Variants in ZNF316 observed in about 807,000 individuals in gnomAD.
ZNF316 encodes the protein zinc finger protein 316.
ZNF316 carries 23 observed loss-of-function variants against 75.6 expected under a neutral mutation model. The ratio of observed to expected loss-of-function variants is 0.30; its 90% CI spans 0.22 to 0.43. ZNF316 has a LOEUF of 0.43. ZNF316 is among the 20% of genes least tolerant of loss of function. The probability of loss-of-function intolerance (pLI) is 1.00; values close to 1 mark genes in which losing one functional copy is unlikely to be tolerated. For synonymous variants in ZNF316, 827 were observed against 666.2 expected, an observed-to-expected ratio of 1.24 and a Z score of -3.72; for missense variants, 1,266 against 1,409.4, an observed-to-expected ratio of 0.90 and a Z score of 1.63.
In ZNF316 at chr7:6,654,576, G is replaced by T; in HGVS notation, c.2980G>T (p.Gly994Trp). 1 of 1,187,284 alleles carries T rather than the reference G, an allele frequency of 8.4e-7. No individual in the cohort carries two copies. Among genetic ancestry groups the T allele is most frequent in the South Asian group, 4.2e-5 (1 of 23,956 alleles). 73.5% of individuals were successfully genotyped at this position (1,187,284 alleles called of 1,614,324 possible). The change falls in exon 9 of 9, where the codon GGG becomes TGG. Residue 994 changes from glycine to tryptophan, a missense_variant. Physicochemically the swap from Gly to Trp is radical, Grantham distance 184. Around this residue, in one of 3 missense-constraint regions of ZNF316, gnomAD observed 111 missense variants for 99.2 expected, o/e 1.12. Coordinates refer to ENST00000382252, the MANE Select transcript of ZNF316 (RefSeq NM_001278559.2). ...FGSEHQAAFA[G>W]PSGAYREGVL ...CTCCGAGCACCAGGCCGCGTTCGCC[G>T]GGCCCTCGGGCGCCTACCGGGAGGG...
chr7:6,644,615 C>T (rs2115310759), intron 8 of ZNF316, 22 bp downstream of exon 8: 4 of 1,202,166 alleles, frequency 3.3e-6, no homozygotes, highest in South Asian at 8.4e-5. Context: ...TGGAATTTTG[C>T]GGTTTGTGCC....
Position 6,652,393 on chromosome 7 carries a change from C to A in ZNF316, c.797C>A (p.Pro266His). Residue 266 changes from proline to histidine, a missense_variant, in exon 9 of 9, where the codon CCC becomes CAC. Coordinates refer to ENST00000382252, the MANE Select transcript of ZNF316 (RefSeq NM_001278559.2). Reference sequence around the variant, plus strand: ...GAGGTGGCCGAGGAGGAGAACGAGCCCCCAGGGCTCTGGTCGGCGGCCTAC... The same window carrying A: ...GAGGTGGCCGAGGAGGAGAACGAGCACCCAGGGCTCTGGTCGGCGGCCTAC... The part of the protein sequence containing the change: ...LAEVAEEENE[P>H]PGLWSAAYGV... 1 of 1,232,388 alleles carries A rather than the reference C, an allele frequency of 8.1e-7. No individual in the cohort carries two copies. The highest frequency in any genetic ancestry group is 1.0e-6 in the Non-Finnish European group (1 of 988,164). The allele number at this position is 1,232,388 out of a possible 1,614,324, so 76.3% of individuals were successfully genotyped here.
rs564020554 is a variant in ZNF316 at position 6,655,975 on chromosome 7, C to T, written c.*1364C>T. On this transcript the variant is annotated 3_prime_UTR_variant, in exon 9 of 9. Coordinates refer to ENST00000382252, the MANE Select transcript of ZNF316 (RefSeq NM_001278559.2). ...GGCCACTGTGAATGGGGCCAGGAAA[C>T]GGATTTTTGGTGCAGCTGCATTCCC... The T allele has an allele frequency of 6.6e-6, 1 of 152,428 alleles. No individual in the cohort carries two copies. Among genetic ancestry groups the T allele is most frequent in the South Asian group, 2.1e-4 (1 of 4,828 alleles). The allele number at this position is 152,428 out of a possible 1,614,324, so 9.4% of individuals were successfully genotyped here.
chr7:6,653,442 C>T lies in ZNF316; in HGVS notation c.1846C>T (p.Leu616=), dbSNP rs2115320572. The T allele has an allele frequency of 1.6e-6, 2 of 1,228,070 alleles. No individual in the cohort carries two copies. The highest frequency in any genetic ancestry group is 4.2e-5 in the Admixed American group (1 of 23,548). The allele number at this position is 1,228,070 out of a possible 1,614,324, so 76.1% of individuals were successfully genotyped here. A position where few individuals can be genotyped will look rare whatever the true frequency, so the allele number is the denominator to read the frequency against. ...GCTGCACCCGGACAGCTTCCCGATCCTGGGCCTACCCGACTTCCGAGAGCG... is the reference window on the plus strand; with the variant it reads ...GCTGCACCCGGACAGCTTCCCGATCTTGGGCCTACCCGACTTCCGAGAGCG... ...SWLHPDSFPI[L]GLPDFRERLP... Residue 616 remains leucine, a synonymous_variant, in exon 9 of 9, where the codon CTG becomes TTG. Coordinates refer to ENST00000382252, the MANE Select transcript of ZNF316 (RefSeq NM_001278559.2).
chr7:6,653,600 CG>C lies in ZNF316; in HGVS notation c.2007del (p.Ala671ProfsTer120). 1 of 1,063,484 alleles carries C rather than the reference CG, an allele frequency of 9.4e-7. No homozygotes were observed. The highest frequency in any genetic ancestry group is 1.1e-6 in the Non-Finnish European group (1 of 879,312). The allele number at this position is 1,063,484 out of a possible 1,614,324, so 65.9% of individuals were successfully genotyped here. A position where few individuals can be genotyped will look rare whatever the true frequency, so the allele number is the denominator to read the frequency against. On this transcript the variant is annotated frameshift_variant, in exon 9 of 9. Coordinates refer to ENST00000382252, the MANE Select transcript of ZNF316 (RefSeq NM_001278559.2). LOFTEE classifies it high-confidence loss of function. ...GCGGCGGAGGCGGCCTGCGCGCGTT[CG>C]GGCCCGCCATCGGGGGTCTGCTGGC... ...AGGGGGLRAF[G>X]PAIGGLLAEP...
chr7:6,652,544 C>A lies in ZNF316; in HGVS notation c.948C>A (p.Phe316Leu). ...VLADGSEAKP[F>L]LPGREPGANL... ...CCGACGGCTCTGAAGCGAAGCCTTT[C>A]CTGCCCGGCCGGGAGCCGGGTGCGA... is the stretch of plus-strand genomic sequence containing the variant. The change falls in exon 9 of 9, where the codon TTC becomes TTA. Residue 316 changes from phenylalanine (F) to leucine (L), a missense_variant. By Grantham distance (22) the Phe-to-Leu change is conservative. Coordinates refer to ENST00000382252, the MANE Select transcript of ZNF316 (RefSeq NM_001278559.2). 1 of 1,231,138 alleles carries A rather than the reference C, an allele frequency of 8.1e-7. No individual in the cohort carries two copies. The highest frequency in any genetic ancestry group is 1.0e-6 in the Non-Finnish European group (1 of 987,496). The allele number at this position is 1,231,138 out of a possible 1,614,324, so 76.3% of individuals were successfully genotyped here.
rs985315327 is a variant in ZNF316, at chr7:6,654,578, G to C, written c.2982G>C (p.Gly994=). Residue 994 remains glycine (G), a synonymous_variant, in exon 9 of 9, where the codon GGG becomes GGC. Coordinates refer to ENST00000382252, the MANE Select transcript of ZNF316 (RefSeq NM_001278559.2). The stretch of plus-strand genomic sequence containing the variant: ...CCGAGCACCAGGCCGCGTTCGCCGG[G>C]CCCTCGGGCGCCTACCGGGAGGGCG... ...FGSEHQAAFA[G]PSGAYREGVL The C allele has an allele frequency of 6.7e-6, 8 of 1,187,554 alleles. No individual in the cohort carries two copies. The African/African-American group carries it at 1.1e-4, about 17-fold the overall frequency. The allele number at this position is 1,187,554 out of a possible 1,614,324, so 73.6% of individuals were successfully genotyped here.
chr7:6,654,508 G>T lies in ZNF316; in HGVS notation c.2912G>T (p.Arg971Leu). Residue 971 changes from arginine (R) to leucine (L), a missense_variant, in exon 9 of 9, where the codon CGC becomes CTC. By Grantham distance (102) the Arg-to-Leu change is moderately radical. Transcript: ENST00000382252. ...KGPSSAGPGERGSALLEFAGG... is the reference protein window; with the variant it reads ...KGPSSAGPGELGSALLEFAGG... The stretch of plus-strand genomic sequence containing the variant: ...CCGTCCAGTGCCGGCCCCGGTGAGC[G>T]CGGCAGCGCCCTGCTGGAGTTCGCG... 1 of 1,176,578 alleles carries T rather than the reference G, an allele frequency of 8.5e-7. No individual in the cohort carries two copies. Among genetic ancestry groups the T allele is most frequent in the Non-Finnish European group, 1.0e-6 (1 of 952,664 alleles). The allele number at this position is 1,176,578 out of a possible 1,614,324, so 72.9% of individuals were successfully genotyped here.
At position 6,640,604 on chromosome 7, in the gene ZNF316, C is replaced by T. The variant is rs13230247; in HGVS notation, c.-166-1221C>T. Among the ~76,000 whole-genome samples, 10,449 of 152,286 alleles carry T rather than the reference C, an allele frequency of 0.069. 439 individuals carry two copies. The highest frequency in any genetic ancestry group is 0.14 in the Middle Eastern group (40 of 294). On this transcript the variant is annotated intron_variant, in intron 3 of 8. Transcript: ENST00000382252. The surrounding 1 kb of genome is among the most constrained non-coding windows in gnomAD (Gnocchi z 5.1). Reference sequence around the variant, plus strand: ...TCCAGCATTGGGGATTACGGTTCAGCGTGAGATCTGGGCGGGGACAAACAT... The same window carrying T: ...TCCAGCATTGGGGATTACGGTTCAGTGTGAGATCTGGGCGGGGACAAACAT...
At position 6,652,727 on chromosome 7, in the gene ZNF316, G is replaced by T; in HGVS notation, c.1131G>T (p.Glu377Asp). The change falls in exon 9 of 9, where the codon GAG becomes GAT. Residue 377 changes from glutamate to aspartate, a missense_variant. Around this residue, in one of 3 missense-constraint regions of ZNF316, gnomAD observed 961 missense variants for 990.9 expected, o/e 0.97. Transcript: ENST00000382252. Reference protein sequence around the residue: ...HAAVKPFGCEECGKGFVYRSH... With the variant: ...HAAVKPFGCEDCGKGFVYRSH... Reference sequence around the variant, plus strand: ...CCGTCAAGCCCTTCGGCTGCGAGGAGTGCGGCAAGGGCTTCGTGTACCGCT... The same window carrying T: ...CCGTCAAGCCCTTCGGCTGCGAGGATTGCGGCAAGGGCTTCGTGTACCGCT... 1 of 1,245,142 alleles carries T rather than the reference G, an allele frequency of 8.0e-7. No homozygotes were observed. Among genetic ancestry groups the T allele is most frequent in the Non-Finnish European group, 1.0e-6 (1 of 994,106 alleles). The allele number at this position is 1,245,142 out of a possible 1,614,324, so 77.1% of individuals were successfully genotyped here. A position where few individuals can be genotyped will look rare whatever the true frequency, so the allele number is the denominator to read the frequency against.
rs1779577791 is a variant in ZNF316 at position 6,654,418 on chromosome 7, C to G, written c.2822C>G (p.Thr941Ser). The change falls in exon 9 of 9, where the codon ACC becomes AGC. Residue 941 changes from threonine to serine, a missense_variant. Coordinates refer to ENST00000382252, the MANE Select transcript of ZNF316 (RefSeq NM_001278559.2). The part of the protein sequence containing the change: ...LTHMKTHRGA[T>S]AAPGSGSAPA... ...CACATGAAGACGCACCGCGGAGCCA[C>G]CGCAGCGCCGGGCTCGGGTTCGGCC... is the stretch of plus-strand genomic sequence containing the variant. 1 of 1,210,732 alleles carries G rather than the reference C, an allele frequency of 8.3e-7. No homozygotes were observed. Among genetic ancestry groups the G allele is most frequent in the East Asian group, 3.4e-5 (1 of 29,616 alleles). 75.0% of individuals were successfully genotyped at this position (1,210,732 alleles called of 1,614,324 possible). A position where few individuals can be genotyped will look rare whatever the true frequency, so the allele number is the denominator to read the frequency against.
rs1438586877 is a variant in ZNF316, at chr7:6,637,342, T to C, written c.-536T>C. The stretch of plus-strand genomic sequence containing the variant: ...TACTTCCGGTGCCCACGCGCCGCCG[T>C]CGCGCAGCTCCCGGGCCGTCACTTT... On this transcript the variant is annotated 5_prime_UTR_variant, in exon 1 of 9. Coordinates refer to ENST00000382252, the MANE Select transcript of ZNF316 (RefSeq NM_001278559.2). The surrounding 1 kb of genome is among the most constrained non-coding windows in gnomAD (Gnocchi z 6.2). The C allele has an allele frequency of 6.7e-6, 1 of 149,006 alleles. No individual in the cohort carries two copies. The highest frequency in any genetic ancestry group is 1.5e-5 in the Non-Finnish European group (1 of 66,992). The allele number at this position is 149,006 out of a possible 1,614,324, so 9.2% of individuals were successfully genotyped here. A position where few individuals can be genotyped will look rare whatever the true frequency, so the allele number is the denominator to read the frequency against.
intron 2 of ZNF316, among the ~76,000 whole-genome samples, chr7:6,638,727 G>A (rs564265467): frequency 5.9e-5 from 9 of 152,164 alleles, no homozygotes; most frequent in East Asian, 1.9e-4. Context: ...CTGAGGTGGG[G>A]AGTTTGAGAA....
Position 6,653,082 on chromosome 7 carries a change from C to T in ZNF316, c.1486C>T (p.Leu496=). ...TCCCGACTGCGGCCAGGCCTTCCGC[C>T]TGCGCGCCGACTTCCAGCGCCACCG... is the stretch of plus-strand genomic sequence containing the variant. The part of the protein sequence containing the change: ...CCPDCGQAFR[L]RADFQRHRRG... Residue 496 remains leucine (L), a synonymous_variant, in exon 9 of 9, where the codon CTG becomes TTG. Coordinates refer to ENST00000382252, the MANE Select transcript of ZNF316 (RefSeq NM_001278559.2). The T allele has an allele frequency of 1.9e-5, 23 of 1,200,426 alleles. No homozygotes were observed. Among genetic ancestry groups the T allele is most frequent in the Non-Finnish European group, 2.0e-5 (19 of 968,626 alleles). 74.4% of individuals were successfully genotyped at this position (1,200,426 alleles called of 1,614,324 possible).
intron 8 of ZNF316, among the ~76,000 whole-genome samples, chr7:6,646,873 T>C (rs1779414203): frequency 6.6e-6 from 1 of 152,016 alleles, no homozygotes; most frequent in East Asian, 1.9e-4. Flanking sequence ...CCTTGATGAG[T>C]TGGGCCACAC....
Position 6,655,119 on chromosome 7 carries a change from G to C in ZNF316, c.*508G>C, listed in dbSNP as rs1179932756. ...TGGGCCCTCCCGGTCATCCGAGTCT[G>C]TCCCGAAGGTTTAACTGCGCGCGGC... is the stretch of plus-strand genomic sequence containing the variant. On this transcript the variant is annotated 3_prime_UTR_variant, in exon 9 of 9. Transcript: ENST00000382252. 2 of 152,260 alleles carry C rather than the reference G, an allele frequency of 1.3e-5. No individual in the cohort carries two copies. Among genetic ancestry groups the C allele is most frequent in the Non-Finnish European group, 1.5e-5 (1 of 68,086 alleles). The allele number at this position is 152,260 out of a possible 1,614,324, so 9.4% of individuals were successfully genotyped here. A position where few individuals can be genotyped will look rare whatever the true frequency, so the allele number is the denominator to read the frequency against.
At position 6,656,351 on chromosome 7, in the gene ZNF316, C is replaced by T. The variant is rs1299688196; in HGVS notation, c.*1740C>T. 6.6e-6 allele frequency: 1 copy of T among 152,168 alleles called. No homozygotes were observed. The highest frequency in any genetic ancestry group is 1.5e-5 in the Non-Finnish European group (1 of 68,048). 9.4% of individuals were successfully genotyped at this position (152,168 alleles called of 1,614,324 possible). On this transcript the variant is annotated 3_prime_UTR_variant, in exon 9 of 9. Coordinates refer to ENST00000382252, the MANE Select transcript of ZNF316 (RefSeq NM_001278559.2). Reference sequence around the variant, plus strand: ...GCCCTGTATGGCCAGGATCTGCTGTCTCCGTCCCTCCTGGGCCCCAGCAGC... The same window carrying T: ...GCCCTGTATGGCCAGGATCTGCTGTTTCCGTCCCTCCTGGGCCCCAGCAGC...
At position 6,637,919 on chromosome 7, in the gene ZNF316, C is replaced by G. The variant is rs910646501; in HGVS notation, c.-357C>G. 1.2e-4 allele frequency: 18 copies of G among 152,186 alleles called. No homozygotes were observed. The highest frequency in any genetic ancestry group is 4.3e-4 in the African/African-American group (18 of 41,428). The allele number at this position is 152,186 out of a possible 1,614,324, so 9.4% of individuals were successfully genotyped here. A position where few individuals can be genotyped will look rare whatever the true frequency, so the allele number is the denominator to read the frequency against. On this transcript the variant is annotated 5_prime_UTR_variant, in exon 2 of 9. Transcript: ENST00000382252. The surrounding 1 kb of genome is among the most constrained non-coding windows in gnomAD (Gnocchi z 6.2). ...CGCTCGGCCCGTCGCCCCAGGAGCC[C>G]GCTTTGTGACCTTGGGGGCCTTATC...
At position 6,640,899 on chromosome 7, in the gene ZNF316, C is replaced by T. The variant is rs113612081; in HGVS notation, c.-166-926C>T. Among the ~76,000 whole-genome samples, 1,865 of 152,338 alleles carry T rather than the reference C, an allele frequency of 0.012. 37 individuals carry two copies. The highest frequency in any genetic ancestry group is 0.042 in the African/African-American group (1,765 of 41,568). On this transcript the variant is annotated intron_variant, in intron 3 of 8. Coordinates refer to ENST00000382252, the MANE Select transcript of ZNF316 (RefSeq NM_001278559.2). The surrounding 1 kb of genome is among the most constrained non-coding windows in gnomAD (Gnocchi z 5.1). ...TGCCTCCCTCCACGAGTGGAAGCTTCCTGAGGCCCTCCCCAGAAACAGATG... is the reference window on the plus strand; with the variant it reads ...TGCCTCCCTCCACGAGTGGAAGCTTTCTGAGGCCCTCCCCAGAAACAGATG...
Sources: allele counts gnomAD v4.1 joint callset (sites outside exome capture counted in the v4.1 genomes callset), GRCh38; gene constraint gnomAD v4.1.1; regional missense constraint gnomAD v4.1.1; non-coding constraint Gnocchi (gnomAD v3.1); transcripts MANE v1.5; gene names NCBI Gene and HGNC (gene_info 2026-07-23, HGNC 2026-07-21).